Variants in LNPK observed in about 807,000 individuals in gnomAD.
LNPK encodes endoplasmic reticulum junction formation protein lunapark.
Under a neutral mutation model 55.2 loss-of-function variants are expected in LNPK, and 29 were observed. The ratio of observed to expected loss-of-function variants is 0.53; its 90% CI spans 0.39 to 0.72. The LOEUF is 0.72. LNPK is among the 30% of genes least tolerant of loss of function. The pLI, the probability that LNPK is intolerant of heterozygous loss-of-function variation, is 0.00. For synonymous variants in LNPK, 162 were observed against 168.2 expected (o/e 0.96, Z 0.29); for missense variants, 467 against 494.8 (o/e 0.94, Z 0.53).
At chr2:175,981,173 G>C (rs558525180) in intron 4 of LNPK, among the ~76,000 whole-genome samples, 1 of 152,140 alleles carries the variant, frequency 6.6e-6, no homozygotes, top group African/African-American at 2.4e-5. Context: ...CAACAGCATG[G>C]CAGAAGTGAT....
At chr2:175,941,464 A>G (rs919752107) in intron 9 of LNPK, among the ~76,000 whole-genome samples, 4 of 151,998 alleles carry the variant, frequency 2.6e-5, no homozygotes, top group Admixed American at 6.6e-5. Context: ...GCTCCAAGAC[A>G]GTGCATGAAC....
chr2:175,983,700 A>G (rs955927296), intron 4 of LNPK, among the ~76,000 whole-genome samples: 4 of 152,176 alleles, frequency 2.6e-5, no homozygotes, highest in Non-Finnish European at 5.9e-5. Context: ...AGACAAAGGT[A>G]TAGCAGGCAA....
chr2:175,938,241 T>G (rs1684648200), intron 11 of LNPK, 72 bp downstream of exon 11: 2 of 918,474 alleles, frequency 2.2e-6, no homozygotes, highest in Admixed American at 2.0e-5. Flanking sequence ...AAAATGACAC[T>G]GCATAGAAAA....
intron 8 of LNPK, among the ~76,000 whole-genome samples, chr2:175,961,458 A>T (rs1026683136): frequency 6.6e-6 from 1 of 152,222 alleles, no homozygotes; most frequent in Non-Finnish European, 1.5e-5. Flanking sequence ...AAACCACATG[A>T]TTATCTCAAT....
chr2:175,950,082 C>G (rs1685325198), intron 8 of LNPK, among the ~76,000 whole-genome samples: 1 of 151,926 alleles, frequency 6.6e-6, no homozygotes, highest in African/African-American at 2.4e-5. Context: ...ATGAATCTGG[C>G]AAAAAATCAT....
At chr2:175,977,489 G>T (rs1472027763) in intron 5 of LNPK, among the ~76,000 whole-genome samples, 5 of 152,114 alleles carry the variant, frequency 3.3e-5, no homozygotes, top group African/African-American at 1.2e-4. Flanking sequence ...AGTAGAAGAG[G>T]TAAAGCAAAT....
At chr2:175,997,705 CTGTGTGTGTGTGTGTG>C (rs35147185) in intron 1 of LNPK, among the ~76,000 whole-genome samples, 2 of 144,128 alleles carry the variant, frequency 1.4e-5, no homozygotes, top group East Asian at 2.1e-4. Context: ...AACAAATGCT[CTGTGTGTGTGTGTGTG>C]TGTGTGTGTG....
At chr2:175,942,412 T>C (rs992743994) in intron 9 of LNPK, among the ~76,000 whole-genome samples, 1 of 152,136 alleles carries the variant, frequency 6.6e-6, no homozygotes, top group Non-Finnish European at 1.5e-5. Context: ...ATATAAAACA[T>C]TTACCAATAC....
Position 175,930,088 on chromosome 2 carries a change from G to C in LNPK, c.1166C>G (p.Pro389Arg), listed in dbSNP as rs1292821846. ...VIEKASDSEE[P>R]EEKQETENEE... ...ATTCTCAGTCTCTTGTTTCTCCTCT[G>C]GTTCCTCTGAGTCAGATGCTTTTTC... The change falls in exon 13 of 13, where the codon CCA becomes CGA. Residue 389 changes from proline (P) to arginine (R), a missense_variant. Physicochemically the swap from Pro to Arg is moderately radical, Grantham distance 103 (BLOSUM62 -2). Transcript: ENST00000272748. 1.2e-6 allele frequency: 2 copies of C among 1,614,002 alleles called. No individual in the cohort carries two copies. Among genetic ancestry groups the C allele is most frequent in the East Asian group, 2.2e-5 (1 of 44,874 alleles).
At chr2:175,973,324 G>A (rs1308022628) in intron 5 of LNPK, among the ~76,000 whole-genome samples, 3 of 152,122 alleles carry the variant, frequency 2.0e-5, no homozygotes, top group African/African-American at 7.2e-5. Context: ...ACTGCTGTGA[G>A]GCAAGTCAAG....
chr2:175,988,162 T>C (rs957820503), intron 4 of LNPK, among the ~76,000 whole-genome samples: 1 of 152,148 alleles, frequency 6.6e-6, no homozygotes, highest in Non-Finnish European at 1.5e-5. Context: ...TCATAAGCCC[T>C]ATCCAATTTA....
chr2:175,996,777 T>C (rs1268673178), intron 1 of LNPK, among the ~76,000 whole-genome samples: 3 of 152,232 alleles, frequency 2.0e-5, no homozygotes, highest in Non-Finnish European at 4.4e-5. Flanking sequence ...CTTCTTTCAG[T>C]TGCTTTTCTA....
chr2:175,968,508 C>G (rs1686483622), intron 6 of LNPK, among the ~76,000 whole-genome samples: 1 of 152,132 alleles, frequency 6.6e-6, no homozygotes, highest in African/African-American at 2.4e-5. Context: ...ACAGATTACT[C>G]AGTGATTATT....
At chr2:175,938,089 T>A (rs985615170) in intron 11 of LNPK, among the ~76,000 whole-genome samples, 2 of 152,150 alleles carry the variant, frequency 1.3e-5, no homozygotes, top group Admixed American at 1.3e-4. Flanking sequence ...GTGATTGTGA[T>A]GCACAGTGGG....
chr2:175,972,235 C>A (rs1686697153), intron 5 of LNPK, among the ~76,000 whole-genome samples: 1 of 152,060 alleles, frequency 6.6e-6, no homozygotes. Context: ...AAAAGAAATA[C>A]AAAATTTCCA....
intron 4 of LNPK, among the ~76,000 whole-genome samples, chr2:175,991,674 A>G (rs1212330092): frequency 6.6e-6 from 1 of 152,226 alleles, no homozygotes; most frequent in Non-Finnish European, 1.5e-5. Flanking sequence ...TCCAATGTCT[A>G]AACAACTGGT....
chr2:175,984,165 T>C (rs929413439), intron 4 of LNPK, among the ~76,000 whole-genome samples: 2 of 150,022 alleles, frequency 1.3e-5, no homozygotes, highest in African/African-American at 2.5e-5. Flanking sequence ...GTAAACCATA[T>C]ATATCCAACA....
rs1324676258 is a variant in LNPK at position 175,926,798 on chromosome 2, G to A, written c.*3169C>T. 1 of 136,416 alleles carries A rather than the reference G, an allele frequency of 7.3e-6. No individual in the cohort carries two copies. Among genetic ancestry groups the A allele is most frequent in the Middle Eastern group, 4.0e-3 (1 of 250 alleles). 8.5% of individuals were successfully genotyped at this position (136,416 alleles called of 1,614,324 possible). A position where few individuals can be genotyped will look rare whatever the true frequency, so the allele number is the denominator to read the frequency against. On this transcript the variant is annotated 3_prime_UTR_variant, in exon 13 of 13. Coordinates refer to ENST00000272748, the MANE Select transcript of LNPK (RefSeq NM_030650.3). ...GCTTGAATAAAGGGAAAAGAGATGAGTTTACAGCTTCTGGCTTAGAGAGTA... is the reference window on the plus strand; with the variant it reads ...GCTTGAATAAAGGGAAAAGAGATGAATTTACAGCTTCTGGCTTAGAGAGTA...
intron 8 of LNPK, among the ~76,000 whole-genome samples, chr2:175,952,613 G>A (rs1315612530): frequency 6.6e-6 from 1 of 150,926 alleles, no homozygotes. Context: ...TATTCAAATT[G>A]TACTCTCAAT....
Sources: gnomAD v4.1 joint callset for allele counts (sites outside exome capture counted in the v4.1 genomes callset) on GRCh38, gnomAD v4.1.1 for gene constraint, MANE v1.5 for transcripts, NCBI Gene and HGNC (gene_info 2026-07-23, HGNC 2026-07-21) for gene names.